Variants in INPP4B observed in about 807,000 individuals in gnomAD.
INPP4B encodes the protein inositol polyphosphate 4-phosphatase type II.
In INPP4B, 55 loss-of-function variants were observed where a neutral mutation model predicts 122.5. That is an observed-to-expected ratio of 0.45 (90% CI 0.36 to 0.56). The LOEUF (loss-of-function observed/expected upper bound fraction) is 0.56. INPP4B is among the 20% of genes least tolerant of loss of function. The pLI, the probability that INPP4B is intolerant of heterozygous loss-of-function variation, is 0.00. For missense variants in INPP4B, 1,000 were observed against 1,097.7 expected, an observed-to-expected ratio of 0.91 and a Z score of 1.26; for synonymous variants, 403 against 388.7, an observed-to-expected ratio of 1.04 and a Z score of -0.43.
intron 25 of INPP4B, among the ~76,000 whole-genome samples, chr4:142,079,125 A>T (rs1772438475): frequency 6.6e-6 from 1 of 151,996 alleles, no homozygotes; most frequent in South Asian, 2.1e-4. Context: ...CAAGATGATG[A>T]TAACTTAAAC....
At chr4:142,763,808 C>G (rs1391275430) in intron 1 of INPP4B, among the ~76,000 whole-genome samples, 1 of 151,878 alleles carries the variant, frequency 6.6e-6, no homozygotes, top group Non-Finnish European at 1.5e-5. Context: ...GACAAAATTA[C>G]AAATTTTGCT....
At chr4:142,363,982 A>T (rs1291647011) in intron 7 of INPP4B, among the ~76,000 whole-genome samples, 2 of 150,948 alleles carry the variant, frequency 1.3e-5, no homozygotes, top group Middle Eastern at 3.4e-3. Context: ...GATTTGGGAA[A>T]CAGAATTTTG....
chr4:142,154,581 G>T (rs1190610469), intron 17 of INPP4B, among the ~76,000 whole-genome samples: 1 of 152,072 alleles, frequency 6.6e-6, no homozygotes, highest in Non-Finnish European at 1.5e-5. Context: ...TTAAGACACT[G>T]GGAAGTAAGA....
chr4:142,750,304 T>C (rs979588467), intron 1 of INPP4B, among the ~76,000 whole-genome samples: 9 of 152,008 alleles, frequency 5.9e-5, no homozygotes, highest in Non-Finnish European at 1.2e-4. Flanking sequence ...ACTAATGATA[T>C]AGAGACTGAA....
At chr4:142,545,832 T>C (rs1365725447) in intron 2 of INPP4B, among the ~76,000 whole-genome samples, 100 of 130,836 alleles carry the variant, frequency 7.6e-4, no homozygotes, top group Middle Eastern at 4.4e-3. Flanking sequence ...TATATATATA[T>C]ATATAAAATG....
intron 15 of INPP4B, among the ~76,000 whole-genome samples, chr4:142,182,449 G>C (rs966889317): frequency 6.6e-6 from 1 of 150,798 alleles, no homozygotes; most frequent in Non-Finnish European, 1.5e-5. Context: ...TTGAGAGGCT[G>C]AGGCAGGAGA....
intron 1 of INPP4B, among the ~76,000 whole-genome samples, chr4:142,744,413 T>C (rs1362959120): frequency 1.3e-5 from 2 of 151,884 alleles, no homozygotes; most frequent in Admixed American, 1.3e-4. Flanking sequence ...TATGCCAAAT[T>C]TGATGGGGAA....
chr4:142,794,971 T>G (rs1445423700), intron 1 of INPP4B, among the ~76,000 whole-genome samples: 2 of 150,394 alleles, frequency 1.3e-5, no homozygotes, highest in Non-Finnish European at 3.0e-5. Context: ...TATATATTCA[T>G]GCATAGGAGC....
At chr4:142,424,524 T>G (rs1264244000) in intron 5 of INPP4B, among the ~76,000 whole-genome samples, 1 of 152,102 alleles carries the variant, frequency 6.6e-6, no homozygotes, top group Non-Finnish European at 1.5e-5. Context: ...CTTGTTATCT[T>G]GCACACACAG....
chr4:142,285,539 G>A (rs1753260341), intron 9 of INPP4B, among the ~76,000 whole-genome samples: 1 of 61,042 alleles, frequency 1.6e-5, no homozygotes, highest in African/African-American at 3.5e-4. Flanking sequence ...GCTCAATCCA[G>A]AAGTGTTTTC....
At chr4:142,591,180 T>A (rs566503509) in intron 2 of INPP4B, among the ~76,000 whole-genome samples, 1 of 152,044 alleles carries the variant, frequency 6.6e-6, no homozygotes, top group Admixed American at 6.5e-5. Context: ...ACACCTGCAG[T>A]CTCAGCTACT....
chr4:142,518,051 A>G (rs1357097827), intron 2 of INPP4B, among the ~76,000 whole-genome samples: 1 of 152,210 alleles, frequency 6.6e-6, no homozygotes, highest in Non-Finnish European at 1.5e-5. Flanking sequence ...AGCAGAATAG[A>G]TACAATAAGT....
chr4:142,308,759 G>T (rs1264163070), intron 8 of INPP4B, among the ~76,000 whole-genome samples: 2 of 151,564 alleles, frequency 1.3e-5, no homozygotes, highest in Non-Finnish European at 2.9e-5. Flanking sequence ...ATAATTCAAG[G>T]GACAGTGTTT....
chr4:142,501,143 T>A (rs1210446202), intron 2 of INPP4B, among the ~76,000 whole-genome samples: 1 of 152,192 alleles, frequency 6.6e-6, no homozygotes, highest in East Asian at 1.9e-4. Context: ...AAACACAGAT[T>A]GCCTAATCAC....
At chr4:142,190,075 A>C (rs1835054042) in intron 15 of INPP4B, among the ~76,000 whole-genome samples, 1 of 152,140 alleles carries the variant, frequency 6.6e-6, no homozygotes, top group Non-Finnish European at 1.5e-5. Context: ...CTCAGATGAC[A>C]GTATTTTATT....
At chr4:142,063,451 C>T (rs1443797299) in intron 25 of INPP4B, among the ~76,000 whole-genome samples, 1 of 152,116 alleles carries the variant, frequency 6.6e-6, no homozygotes, top group African/African-American at 2.4e-5. Flanking sequence ...TTCCAAGACT[C>T]TTTTAGTTTG....
chr4:142,152,367 A>G (rs1162406939), intron 17 of INPP4B, among the ~76,000 whole-genome samples: 1 of 150,940 alleles, frequency 6.6e-6, no homozygotes, highest in Non-Finnish European at 1.5e-5. Context: ...GAGTCACCGC[A>G]CCCGGCACTT....
chr4:142,825,320 C>G (rs1781324690), intron 1 of INPP4B, among the ~76,000 whole-genome samples: 1 of 152,020 alleles, frequency 6.6e-6, no homozygotes, highest in Non-Finnish European at 1.5e-5. Context: ...GTTTTAGATG[C>G]TAAATCACAA....
intron 2 of INPP4B, 150 bp from the exon 3 acceptor site, chr4:142,462,876 A>T (rs1816991716): frequency 6.6e-6 from 1 of 152,232 alleles, no homozygotes; most frequent in South Asian, 2.1e-4. Context: ...CATGGAGCAT[A>T]GCTATTTCTT....
Sources: gnomAD v4.1 joint callset for allele counts (sites outside exome capture counted in the v4.1 genomes callset) on GRCh38, gnomAD v4.1.1 for gene constraint, MANE v1.5 for transcripts, NCBI Gene and HGNC (gene_info 2026-07-23, HGNC 2026-07-21) for gene names.